Variants in TANC2 observed in about 807,000 individuals in gnomAD.
TANC2 encodes protein TANC2.
Under a neutral mutation model 210.5 loss-of-function variants are expected in TANC2, and 26 were observed. The observed-to-expected ratio is 0.12, with a 90% CI of 0.09 to 0.17. TANC2 has a LOEUF of 0.17. Among genes scored for constraint, TANC2 ranks in the 10% least tolerant of loss-of-function variants. The pLI is 1.00. For synonymous variants in TANC2, 931 were observed against 967.1 expected, an observed-to-expected ratio of 0.96 and a Z score of 0.69; for missense variants, 2,129 against 2,608.9, an observed-to-expected ratio of 0.82 and a Z score of 4.01.
At chr17:63,313,613 T>A (rs1207996927) in intron 9 of TANC2, 1 of 152,166 alleles carries the variant, frequency 6.6e-6, no homozygotes, top group Non-Finnish European at 1.5e-5. Flanking sequence ...TTAATTGGCA[T>A]CAATAGTAAG....
At chr17:63,110,344 T>G (rs1160981511) in intron 4 of TANC2, among the ~76,000 whole-genome samples, 1 of 151,810 alleles carries the variant, frequency 6.6e-6, no homozygotes, top group African/African-American at 2.4e-5. Flanking sequence ...TTTAATGTCC[T>G]CTTAATGATG....
exon 22 of TANC2, chr17:63,411,528 A>T: frequency 6.2e-7 from 1 of 1,611,888 alleles, no homozygotes; most frequent in Non-Finnish European, 8.5e-7. Flanking sequence ...CATTGCTCTT[A>T]TGGACAAAGA....
At chr17:63,426,025 CCAGG>C (rs1337263572) in exon 28 of TANC2, 1 of 152,230 alleles carries the variant, frequency 6.6e-6, no homozygotes, top group Non-Finnish European at 1.5e-5. Context: ...ATAGGCTATC[CCAGG>C]GGGCAAGAGG....
chr17:62,988,253 G>A (rs139278661), intron 1 of TANC2, among the ~76,000 whole-genome samples: 3,019 of 150,844 alleles, frequency 0.02, 42 homozygotes, highest in South Asian at 0.036. Context: ...TCAGCCTGCC[G>A]AGTAGCTGGG....
At chr17:63,162,542 A>G (rs2040064868) in intron 5 of TANC2, among the ~76,000 whole-genome samples, 1 of 152,124 alleles carries the variant, frequency 6.6e-6, no homozygotes, top group Non-Finnish European at 1.5e-5. Flanking sequence ...ATGCAGAAGA[A>G]AGATAGGAAA....
intron 11 of TANC2, among the ~76,000 whole-genome samples, chr17:63,335,482 G>A (rs769391846): frequency 4.6e-5 from 7 of 151,998 alleles, no homozygotes; most frequent in Non-Finnish European, 1.0e-4. Flanking sequence ...GCATGGTGGT[G>A]TGCACCTGTA....
At chr17:63,311,064 T>C (rs2045108486) in intron 9 of TANC2, among the ~76,000 whole-genome samples, 1 of 152,214 alleles carries the variant, frequency 6.6e-6, no homozygotes, top group African/African-American at 2.4e-5. Context: ...GGCAAATAAC[T>C]TAATCTCTTT....
chr17:62,992,553 T>G (rs2032921873), intron 1 of TANC2, among the ~76,000 whole-genome samples: 1 of 152,186 alleles, frequency 6.6e-6, no homozygotes, highest in Admixed American at 6.5e-5. Context: ...GTAGAGTCAT[T>G]TCAGTGCCAA....
At position 63,258,755 on chromosome 17, in the gene TANC2, G is replaced by A. The variant is rs2043271688; in HGVS notation, c.1034-8993G>A. 3.9e-5 allele frequency among the ~76,000 whole-genome samples: 6 copies of A among 152,092 alleles called. No homozygotes were observed. The South Asian group carries it at 1.2e-3, about 31-fold the overall frequency. On this transcript the variant is annotated intron_variant, in intron 8 of 27. Coordinates refer to ENST00000689528, the Ensembl canonical transcript of TANC2. The stretch of plus-strand genomic sequence containing the variant: ...GTAGGTGGCTCCCCTATGGTCCAAG[G>A]CAGGTCCAGAAATGCCATCCAGGAG...
intron 24 of TANC2, chr17:63,413,245 T>C (rs2048758767): frequency 3.5e-6 from 1 of 287,990 alleles, no homozygotes; most frequent in Non-Finnish European, 6.4e-6. Context: ...ATTCCTTATT[T>C]AAAATAATTC....
At chr17:63,155,988 A>G (rs1409038917) in intron 5 of TANC2, among the ~76,000 whole-genome samples, 1 of 152,192 alleles carries the variant, frequency 6.6e-6, no homozygotes, top group Non-Finnish European at 1.5e-5. Context: ...TTAAAATCAA[A>G]GGATGATATT....
At chr17:63,220,828 ATG>A (rs2042165717) in intron 7 of TANC2, among the ~76,000 whole-genome samples, 5 of 148,788 alleles carry the variant, frequency 3.4e-5, no homozygotes, top group Non-Finnish European at 3.0e-5. Flanking sequence ...ATACGTGTAT[ATG>A]TATATATGTG....
intron 1 of TANC2, chr17:63,004,734 G>T: frequency 3.1e-6 from 1 of 325,552 alleles, no homozygotes; most frequent in South Asian, 3.2e-5. Flanking sequence ...GGCAGCTTCA[G>T]CTTTCAGTGC....
At chr17:63,406,075 A>G in intron 20 of TANC2, 79 bp from the exon 21 acceptor site, 1 of 1,560,244 alleles carries the variant, frequency 6.4e-7, no homozygotes, top group South Asian at 1.1e-5. Context: ...GAATTCCTAC[A>G]GAGTAAGAGA....
At chr17:63,399,649 G>A (rs547818649) in intron 19 of TANC2, among the ~76,000 whole-genome samples, 1 of 152,300 alleles carries the variant, frequency 6.6e-6, no homozygotes, top group South Asian at 2.1e-4. Context: ...CCCCAGATAT[G>A]TGTGATATTT....
intron 1 of TANC2, chr17:62,978,724 CTT>C (rs1003228595): frequency 6.6e-6 from 1 of 152,112 alleles, no homozygotes; most frequent in Non-Finnish European, 1.5e-5. Context: ...TTTTCGAGGA[CTT>C]TTTTGTTGGG....
chr17:63,319,074 G>A (rs202242128), exon 11 of TANC2: 25 of 1,612,856 alleles, frequency 1.6e-5, no homozygotes, highest in East Asian at 8.9e-5. Flanking sequence ...GAGGCTATGC[G>A]AAGACTAGCC....
intron 4 of TANC2, among the ~76,000 whole-genome samples, chr17:63,126,987 A>G (rs10491186): frequency 0.082 from 12,431 of 152,236 alleles, 662 homozygotes; most frequent in Middle Eastern, 0.13. Flanking sequence ...GCTGATATAT[A>G]AGGTACTGCT....
intron 4 of TANC2, among the ~76,000 whole-genome samples, chr17:63,123,757 GCT>G (rs2038587410): frequency 1.5e-5 from 1 of 66,718 alleles, no homozygotes; most frequent in South Asian, 5.3e-4. Context: ...CACTATCTTG[GCT>G]CACTGCAACC....
Sources: gnomAD v4.1 joint callset for allele counts (sites outside exome capture counted in the v4.1 genomes callset) on GRCh38, gnomAD v4.1.1 for gene constraint, MANE v1.5 for transcripts, NCBI Gene and HGNC (gene_info 2026-07-23, HGNC 2026-07-21) for gene names.